The following ANKMY1 variants were observed in gnomAD, a reference collection of about 807,000 sequenced individuals.
ANKMY1 encodes the protein ankyrin repeat and MYND domain containing 1, also known as ankyrin repeat and MYND domain-containing protein 1.
Under a neutral mutation model 102.0 loss-of-function variants are expected in ANKMY1, and 98 were observed. The ratio of observed to expected loss-of-function variants is 0.96; its 90% CI spans 0.82 to 1.14. The LOEUF (loss-of-function observed/expected upper bound fraction) is 1.14, where lower values mean the gene tolerates loss of function less well. Ranked by LOEUF, ANKMY1 falls within the 50% of genes most tolerant of loss-of-function variation. The probability of loss-of-function intolerance (pLI) is 0.00; values close to 1 mark genes in which losing one functional copy is unlikely to be tolerated. For missense variants in ANKMY1, 1,330 were observed against 1,347.6 expected, an observed-to-expected ratio of 0.99 and a Z score of 0.20; for synonymous variants, 582 against 559.9, an observed-to-expected ratio of 1.04 and a Z score of -0.56.
chr2:240,559,823 T>C (rs1020417712), upstream of ANKMY1, among the ~76,000 whole-genome samples: 5 of 152,218 alleles, frequency 3.3e-5, no homozygotes, highest in Non-Finnish European at 5.9e-5. Flanking sequence ...GACAAAGCAA[T>C]GACGATAACC....
the ANKMY1 span, among the ~76,000 whole-genome samples, chr2:240,471,969 C>T: frequency 6.6e-6 from 1 of 152,130 alleles, no homozygotes; most frequent in Admixed American, 6.5e-5. Flanking sequence ...GGCCCACCAA[C>T]CTTGGTTCCA....
downstream of ANKMY1, among the ~76,000 whole-genome samples, chr2:240,474,902 T>C (rs1207451256): frequency 6.6e-6 from 1 of 152,240 alleles, no homozygotes; most frequent in East Asian, 1.9e-4. Flanking sequence ...TATATGTCTT[T>C]ATGGTAGAAA....
chr2:240,469,621 G>A, the ANKMY1 span, among the ~76,000 whole-genome samples: 1 of 141,074 alleles, frequency 7.1e-6, no homozygotes, highest in Non-Finnish European at 1.5e-5. Context: ...TGCTCCACAC[G>A]AACATACACC....
chr2:240,483,012 A>T (rs1254679113), intron 15 of ANKMY1, among the ~76,000 whole-genome samples: 1 of 152,172 alleles, frequency 6.6e-6, no homozygotes, highest in Non-Finnish European at 1.5e-5. Flanking sequence ...TTCCTAACTG[A>T]TGATCCTTTT....
intron 9 of ANKMY1, among the ~76,000 whole-genome samples, chr2:240,515,964 T>A (rs1344163716): frequency 6.6e-6 from 1 of 151,806 alleles, no homozygotes; most frequent in Non-Finnish European, 1.5e-5. Context: ...GACCTTGTGA[T>A]CTGCCCACCT....
At chr2:240,526,698 G>C in intron 5 of ANKMY1, 2 of 1,400,080 alleles carry the variant, frequency 1.4e-6, no homozygotes, top group Non-Finnish European at 1.9e-6. Context: ...CGACAGGAAT[G>C]TGCTGGCTGC....
chr2:240,504,247 C>T (rs2078691869), intron 13 of ANKMY1, among the ~76,000 whole-genome samples: 1 of 152,234 alleles, frequency 6.6e-6, no homozygotes, highest in African/African-American at 2.4e-5. Flanking sequence ...TGTATACCCC[C>T]AAGCCAGGGC....
chr2:240,495,092 T>C (rs1378362868), intron 15 of ANKMY1, among the ~76,000 whole-genome samples: 2 of 152,160 alleles, frequency 1.3e-5, no homozygotes, highest in Non-Finnish European at 2.9e-5. Flanking sequence ...AAGACAAGTG[T>C]GAGCCTTCTG....
At chr2:240,523,755 C>T in intron 8 of ANKMY1, 130 bp downstream of exon 8, 1 of 1,396,346 alleles carries the variant, frequency 7.2e-7, no homozygotes, top group Admixed American at 2.4e-5. Context: ...CAGGGATGCT[C>T]ACACATTCAG....
At chr2:240,469,774 C>T in the ANKMY1 span, among the ~76,000 whole-genome samples, 4 of 142,992 alleles carry the variant, frequency 2.8e-5, no homozygotes, top group African/African-American at 1.1e-4. Context: ...CCTCACATGC[C>T]CACATGCCCA....
the ANKMY1 span, among the ~76,000 whole-genome samples, chr2:240,472,793 C>G: frequency 1.3e-5 from 2 of 152,202 alleles, no homozygotes; most frequent in Non-Finnish European, 2.9e-5. Context: ...AATTGAGACA[C>G]CAATGCAAGG....
At chr2:240,551,803 A>C (rs1208724713) in intron 4 of ANKMY1, among the ~76,000 whole-genome samples, 1 of 152,238 alleles carries the variant, frequency 6.6e-6, no homozygotes, top group African/African-American at 2.4e-5. Flanking sequence ...GACTGAAACC[A>C]GCCCAGTAAT....
chr2:240,549,387 C>T (rs1235235575), intron 4 of ANKMY1, among the ~76,000 whole-genome samples: 172 of 151,966 alleles, frequency 1.1e-3, no homozygotes, highest in African/African-American at 3.8e-3. Flanking sequence ...AAGACTTAAA[C>T]GTTAGACCTA....
rs751138075 is a variant in ANKMY1, at chr2:240,553,036, G to A, written c.358C>T (p.Arg120Trp). The change falls in exon 4 of 18, where the codon CGG (arginine) becomes TGG (tryptophan). Residue 120 changes from arginine to tryptophan, a missense_variant. Transcript: ENST00000401804. The stretch of plus-strand genomic sequence containing the variant: ...GTACCCAGGCCATGGCAGTGGTCCC[G>A]GTAAAACTGCCCATGGTATGACTGT... Reference protein sequence around the residue: ...TGESYHGQFYRDHCHGLGTYM... With the variant: ...TGESYHGQFYWDHCHGLGTYM... 1.5e-5 allele frequency: 24 copies of A among 1,613,814 alleles called. No individual in the cohort carries two copies. Among genetic ancestry groups the A allele is most frequent in the Admixed American group, 1.0e-4 (6 of 59,982 alleles).
intron 4 of ANKMY1, among the ~76,000 whole-genome samples, chr2:240,532,581 T>G (rs890394945): frequency 2.0e-5 from 3 of 152,166 alleles, no homozygotes; most frequent in African/African-American, 7.2e-5. Flanking sequence ...CTGACTATAA[T>G]AAGTTCTCAG....
At chr2:240,482,858 A>C (rs989341539) in intron 15 of ANKMY1, among the ~76,000 whole-genome samples, 1 of 152,218 alleles carries the variant, frequency 6.6e-6, no homozygotes, top group East Asian at 1.9e-4. Flanking sequence ...CTTCTGCCTA[A>C]TTTTTTGATC....
chr2:240,504,075 G>A (rs1418520048), intron 13 of ANKMY1, among the ~76,000 whole-genome samples: 11 of 152,220 alleles, frequency 7.2e-5, no homozygotes, highest in African/African-American at 2.7e-4. Context: ...AGCCGCCCAG[G>A]CTATGGTCTG....
intron 4 of ANKMY1, among the ~76,000 whole-genome samples, chr2:240,534,216 G>T (rs1408773320): frequency 6.6e-6 from 1 of 152,218 alleles, no homozygotes; most frequent in African/African-American, 2.4e-5. Context: ...TGGGGCTCTT[G>T]ACATGCATCC....
At chr2:240,558,588 G>A (rs1006025199), upstream of ANKMY1, 1 of 152,316 alleles carries the variant, frequency 6.6e-6, no homozygotes, top group African/African-American at 2.4e-5. Context: ...GGGATGTACA[G>A]AGGCACCATG....
Sources: gnomAD v4.1 joint callset for allele counts (sites outside exome capture counted in the v4.1 genomes callset) on GRCh38, gnomAD v4.1.1 for gene constraint, MANE v1.5 for transcripts, NCBI Gene and HGNC (gene_info 2026-07-23, HGNC 2026-07-21) for gene names.